LMNTD1: variants seen among roughly 807,000 people sequenced by gnomAD.
The protein encoded by LMNTD1 is lamin tail domain-containing protein 1.
Under a neutral mutation model 50.9 loss-of-function variants are expected in LMNTD1, and 35 were observed. The ratio of observed to expected loss-of-function variants is 0.69; its 90% CI spans 0.53 to 0.91. The LOEUF (loss-of-function observed/expected upper bound fraction) is 0.91, where lower values mean the gene tolerates loss of function less well. Among genes scored for constraint, LMNTD1 ranks in the 40% least tolerant of loss-of-function variants. The probability of loss-of-function intolerance (pLI) is 0.00; values close to 1 mark genes in which losing one functional copy is unlikely to be tolerated. For synonymous variants in LMNTD1, 153 were observed against 161.9 expected, an observed-to-expected ratio of 0.94 and a Z score of 0.42; for missense variants, 470 against 475.5, an observed-to-expected ratio of 0.99 and a Z score of 0.11.
chr12:25,483,865 T>C (rs1346441910), intron 9 of LMNTD1, among the ~76,000 whole-genome samples: 7 of 151,890 alleles, frequency 4.6e-5, no homozygotes, highest in African/African-American at 1.7e-4. Context: ...AATCTAACCA[T>C]TTAACTCCTT....
intron 1 of LMNTD1, among the ~76,000 whole-genome samples, chr12:25,586,622 G>A (rs1043301787): frequency 1.3e-5 from 2 of 152,124 alleles, no homozygotes; most frequent in African/African-American, 4.8e-5. Context: ...CCATTGGCAG[G>A]CACAGTTTGC....
intron 8 of LMNTD1, among the ~76,000 whole-genome samples, chr12:25,504,492 G>A (rs754623705): frequency 2.0e-5 from 3 of 152,166 alleles, no homozygotes; most frequent in Admixed American, 1.3e-4. Flanking sequence ...GACCAAAGAT[G>A]AGTGTTATTT....
chr12:25,485,000 A>G (rs1938576258), intron 9 of LMNTD1, among the ~76,000 whole-genome samples: 1 of 152,076 alleles, frequency 6.6e-6, no homozygotes, highest in African/African-American at 2.4e-5. Flanking sequence ...CATGATTTAT[A>G]GTCCTTTGGG....
At chr12:25,609,113 C>A (rs946375849) in intron 1 of LMNTD1, among the ~76,000 whole-genome samples, 1 of 152,100 alleles carries the variant, frequency 6.6e-6, no homozygotes, top group Non-Finnish European at 1.5e-5. Context: ...TTGATTGAAT[C>A]GGCTACTGAA....
At chr12:25,514,214 C>A (rs1210699805) in intron 8 of LMNTD1, among the ~76,000 whole-genome samples, 1 of 152,076 alleles carries the variant, frequency 6.6e-6, no homozygotes, top group Admixed American at 6.6e-5. Flanking sequence ...GGAGCACAGA[C>A]CCAGACCCAA....
chr12:25,557,173 C>A (rs2136284364), upstream of LMNTD1: 1 of 152,298 alleles, frequency 6.6e-6, no homozygotes, highest in East Asian at 1.9e-4. Context: ...TGTACTCAGT[C>A]AATTCATTTC....
At chr12:25,542,174 G>A (rs1328857239) in intron 4 of LMNTD1, among the ~76,000 whole-genome samples, 3 of 151,970 alleles carry the variant, frequency 2.0e-5, no homozygotes, top group Non-Finnish European at 2.9e-5. Context: ...CGATTCCTCA[G>A]GGATCTAGAA....
chr12:25,621,713 AT>A (rs1428242636), intron 1 of LMNTD1, among the ~76,000 whole-genome samples: 2 of 152,174 alleles, frequency 1.3e-5, no homozygotes, highest in Admixed American at 1.3e-4. Context: ...ACATGGCCTT[AT>A]TCTACACACT....
chr12:25,638,822 T>A (rs926983340), intron 1 of LMNTD1, among the ~76,000 whole-genome samples: 1 of 152,082 alleles, frequency 6.6e-6, no homozygotes, highest in African/African-American at 2.4e-5. Flanking sequence ...GAAGAGTTTA[T>A]CTTAAAATTC....
intron 1 of LMNTD1, among the ~76,000 whole-genome samples, chr12:25,601,165 A>T (rs1945962054): frequency 6.6e-6 from 1 of 152,026 alleles, no homozygotes; most frequent in African/African-American, 2.4e-5. Flanking sequence ...ATGGAACTGG[A>T]GATCGTTATG....
intron 1 of LMNTD1, among the ~76,000 whole-genome samples, chr12:25,567,837 T>C (rs7974126): frequency 0.63 from 95,308 of 151,262 alleles, 34,873 homozygotes; most frequent in Non-Finnish European, 0.84. Context: ...AACTTAAATC[T>C]CTTTTATTTA....
chr12:25,555,473 A>G (rs1328998166), upstream of LMNTD1, among the ~76,000 whole-genome samples: 3 of 152,228 alleles, frequency 2.0e-5, no homozygotes, highest in Non-Finnish European at 4.4e-5. Flanking sequence ...TGGATATAAC[A>G]TATCCTAATT....
intron 1 of LMNTD1, among the ~76,000 whole-genome samples, chr12:25,647,176 C>T (rs1375212731): frequency 2.6e-5 from 4 of 152,084 alleles, no homozygotes; most frequent in Non-Finnish European, 5.9e-5. Context: ...ATATTGTCTA[C>T]AATAATAAAT....
chr12:25,600,640 T>C (rs1945946543), intron 1 of LMNTD1, among the ~76,000 whole-genome samples: 2 of 151,812 alleles, frequency 1.3e-5, no homozygotes, highest in South Asian at 2.1e-4. Context: ...GGGCAAAAGA[T>C]TTGAATAGAC....
intron 1 of LMNTD1, among the ~76,000 whole-genome samples, chr12:25,597,988 G>A (rs1298701649): frequency 6.6e-6 from 1 of 152,084 alleles, no homozygotes; most frequent in African/African-American, 2.4e-5. Flanking sequence ...TTCCCATGCT[G>A]TTCTTGTCAT....
In LMNTD1 at chr12:25,510,291, T is replaced by G. The variant is rs115220754; in HGVS notation, c.1190-6491A>C. 3.6e-3 allele frequency among the ~76,000 whole-genome samples: 550 copies of G among 152,156 alleles called. 4 individuals carry two copies. Among genetic ancestry groups the G allele is most frequent in the African/African-American group, 0.013 (535 of 41,522 alleles). On this transcript the variant is annotated intron_variant, in intron 8 of 9. Coordinates refer to ENST00000458174, the MANE Select transcript of LMNTD1 (RefSeq NM_001145728.2). ...CCTTATTTTACCTTCACCCTTTCAG[T>G]TATATTTTTCCTCAATATAGAACTC... is the stretch of plus-strand genomic sequence containing the variant.
chr12:25,591,744 C>T (rs944596585), intron 1 of LMNTD1, among the ~76,000 whole-genome samples: 7 of 148,822 alleles, frequency 4.7e-5, no homozygotes, highest in African/African-American at 1.7e-4. Flanking sequence ...TGACCCAGCA[C>T]ACTTGTAGTG....
At chr12:25,580,789 C>T (rs1279007267) in intron 1 of LMNTD1, among the ~76,000 whole-genome samples, 1 of 152,108 alleles carries the variant, frequency 6.6e-6, no homozygotes, top group Non-Finnish European at 1.5e-5. Flanking sequence ...GTGGGAAAAT[C>T]CTGGACTTTG....
At chr12:25,563,010 C>A (rs1410229357) in intron 1 of LMNTD1, among the ~76,000 whole-genome samples, 1 of 152,198 alleles carries the variant, frequency 6.6e-6, no homozygotes, top group Non-Finnish European at 1.5e-5. Context: ...GACTTCTCTA[C>A]ACTGTTTATT....
Sources: gnomAD v4.1 joint callset for allele counts (sites outside exome capture counted in the v4.1 genomes callset) on GRCh38, gnomAD v4.1.1 for gene constraint, MANE v1.5 for transcripts, NCBI Gene and HGNC (gene_info 2026-07-23, HGNC 2026-07-21) for gene names.